The following LCP1 variants were observed in gnomAD, a reference collection of about 807,000 sequenced individuals.
The protein encoded by LCP1 is plastin-2.
In LCP1, 23 loss-of-function variants were observed where a neutral mutation model predicts 72.0. That is an observed-to-expected ratio of 0.32 (90% CI 0.23 to 0.45). The LOEUF is 0.45. LCP1 is among the 20% of genes least tolerant of loss of function. The probability of loss-of-function intolerance (pLI) is 1.00; values close to 1 mark genes in which losing one functional copy is unlikely to be tolerated. For missense variants in LCP1, 571 were observed against 748.3 expected, an observed-to-expected ratio of 0.76 and a Z score of 2.76; for synonymous variants, 245 against 275.4, an observed-to-expected ratio of 0.89 and a Z score of 1.09.
chr13:46,151,203 G>T (rs945994697), intron 7 of LCP1, 125 bp from the exon 8 acceptor site: 2 of 863,200 alleles, frequency 2.3e-6, no homozygotes, highest in Non-Finnish European at 3.4e-6. Flanking sequence ...TGGGGTAAAG[G>T]TTCTTGTAGC....
intron 1 of LCP1, among the ~76,000 whole-genome samples, chr13:46,164,581 T>C (rs1593961170): frequency 6.6e-6 from 1 of 152,118 alleles, no homozygotes; most frequent in Admixed American, 6.5e-5. Flanking sequence ...TAACAGCAAA[T>C]GCAAAAGAGA....
At chr13:46,162,849 G>A (rs1277027128) in intron 1 of LCP1, among the ~76,000 whole-genome samples, 1 of 151,670 alleles carries the variant, frequency 6.6e-6, no homozygotes, top group Non-Finnish European at 1.5e-5. Flanking sequence ...CCGTCTGGGA[G>A]GTGAGGAGCG....
chr13:46,179,341 C>G (rs1218589789), intron 1 of LCP1, among the ~76,000 whole-genome samples: 1 of 152,084 alleles, frequency 6.6e-6, no homozygotes, highest in Non-Finnish European at 1.5e-5. Flanking sequence ...TAAGTACAAT[C>G]AAAGTCTTTC....
At chr13:46,163,643 AAAAAAAAAAC>A (rs1566444198) in intron 1 of LCP1, among the ~76,000 whole-genome samples, 6 of 151,070 alleles carry the variant, frequency 4.0e-5, no homozygotes, top group African/African-American at 1.5e-4. Flanking sequence ...TAAAAAAAAA[AAAAAAAAAAC>A]AATGAGTTAT....
intron 9 of LCP1, among the ~76,000 whole-genome samples, chr13:46,148,028 A>C (rs1264628271): frequency 6.6e-6 from 1 of 152,230 alleles, no homozygotes; most frequent in Admixed American, 6.5e-5. Flanking sequence ...GATCAGTATT[A>C]AAGTGGCGGC....
intron 7 of LCP1, among the ~76,000 whole-genome samples, chr13:46,152,427 G>A (rs2045774450): frequency 6.6e-6 from 1 of 152,162 alleles, no homozygotes; most frequent in Non-Finnish European, 1.5e-5. Context: ...GTATATGAAT[G>A]TGAGTTGCTT....
At chr13:46,128,161 A>C (rs1012890363) in intron 15 of LCP1, among the ~76,000 whole-genome samples, 3 of 152,062 alleles carry the variant, frequency 2.0e-5, no homozygotes, top group Non-Finnish European at 4.4e-5. Flanking sequence ...TGATACTCAC[A>C]CCAGGAGTAT....
At chr13:46,161,718 A>G (rs2045839544) in intron 1 of LCP1, among the ~76,000 whole-genome samples, 1 of 152,256 alleles carries the variant, frequency 6.6e-6, no homozygotes. Context: ...GATAAGAAAG[A>G]AAGCGTAACT....
rs202077381 is a variant in LCP1, at chr13:46,144,402, T to C, written c.1253+40A>G. 899 of 1,430,990 alleles carry C rather than the reference T, an allele frequency of 6.3e-4. 2 individuals carry two copies. Among genetic ancestry groups the C allele is most frequent in the Non-Finnish European group, 7.9e-4 (798 of 1,014,680 alleles). 88.6% of individuals were successfully genotyped at this position (1,430,990 alleles called of 1,614,324 possible). A position where few individuals can be genotyped will look rare whatever the true frequency, so the allele number is the denominator to read the frequency against. ...TTGGAATCCTATGGCTCTTTTGAGG[T>C]CTCTATCTTACATTAGAATGAGTTC... is the stretch of plus-strand genomic sequence containing the variant. On this transcript the variant is annotated intron_variant, in intron 11 of 15. Transcript: ENST00000323076.
intron 8 of LCP1, among the ~76,000 whole-genome samples, chr13:46,149,566 C>T (rs945689357): frequency 1.3e-5 from 2 of 152,192 alleles, no homozygotes; most frequent in Non-Finnish European, 2.9e-5. Flanking sequence ...TGCCAATTTA[C>T]ACGATTTAAA....
chr13:46,132,653 C>T (rs9534335), intron 14 of LCP1, among the ~76,000 whole-genome samples: 130,646 of 152,004 alleles, frequency 0.86, 56,618 homozygotes, highest in South Asian at 0.97. Context: ...ATCTGCTTGC[C>T]GCCTTTCCAA....
At chr13:46,156,596 C>T in intron 4 of LCP1, 26 bp from the exon 5 acceptor site, 1 of 1,613,826 alleles carries the variant, frequency 6.2e-7, no homozygotes, top group Non-Finnish European at 8.5e-7. Flanking sequence ...TAAAGTGACT[C>T]ATTTGCAAAG....
In LCP1 at chr13:46,150,977, C is replaced by A. The variant is rs772011122; in HGVS notation, c.841G>T (p.Ala281Ser). 1.2e-6 allele frequency: 2 copies of A among 1,613,970 alleles called. No individual in the cohort carries two copies. The highest frequency in any genetic ancestry group is 1.7e-6 in the Non-Finnish European group (2 of 1,179,868). ...AAGTTGCCAATTTTGTTGCAGCCTG[C>A]ATTTTCCAGGTGGTAATTAGCCCAC... ...LRWANYHLEN[A>S]GCNKIGNFST... The change falls in exon 8 of 16, where the codon GCA becomes TCA. Residue 281 changes from alanine to serine, a missense_variant. Transcript: ENST00000323076.
At chr13:46,132,842 CT>C (rs1305369433) in intron 14 of LCP1, among the ~76,000 whole-genome samples, 1 of 152,134 alleles carries the variant, frequency 6.6e-6, no homozygotes, top group African/African-American at 2.4e-5. Context: ...TCTGCTACTG[CT>C]TGTGGAAAGA....
intron 1 of LCP1, among the ~76,000 whole-genome samples, chr13:46,166,186 T>A (rs1297335156): frequency 2.0e-5 from 3 of 152,170 alleles, no homozygotes; most frequent in Admixed American, 6.5e-5. Flanking sequence ...TGCTGCAGAA[T>A]TTACAGAAGA....
intron 13 of LCP1, 137 bp downstream of exon 13, chr13:46,142,154 TA>T: frequency 1.2e-6 from 1 of 810,870 alleles, no homozygotes; most frequent in Non-Finnish European, 1.8e-6. Flanking sequence ...AGCAGAAAGG[TA>T]AAAAGTGTTT....
chr13:46,173,754 G>A (rs770842339), intron 1 of LCP1, among the ~76,000 whole-genome samples: 8 of 152,190 alleles, frequency 5.3e-5, no homozygotes, highest in Non-Finnish European at 1.2e-4. Context: ...CCAACCCAAA[G>A]CCAACAGCAT....
At position 46,156,532 on chromosome 13, in the gene LCP1, C is replaced by T. The variant is rs148636830; in HGVS notation, c.397G>A (p.Ala133Thr). The T allele has an allele frequency of 6.2e-6, 10 of 1,613,996 alleles. No homozygotes were observed. The African/African-American group carries it at 1.2e-4, about 19-fold the overall frequency. The part of the protein sequence containing the change: ...KYAFVNWINK[A>T]LENDPDCRHV... ...CGACAATCAGGATCATTTTCCAGGGCTTTGTTTATCCAGTTGACAAAGGCA... is the reference window on the plus strand; with the variant it reads ...CGACAATCAGGATCATTTTCCAGGGTTTTGTTTATCCAGTTGACAAAGGCA... Residue 133 changes from alanine to threonine, a missense_variant, in exon 5 of 16, where the codon GCC (alanine) becomes ACC (threonine). Ala to Thr is a moderately conservative substitution (Grantham distance 58). Transcript: ENST00000323076.
chr13:46,146,801 T>C (rs910490804), intron 10 of LCP1, 107 bp downstream of exon 10: 1 of 1,115,014 alleles, frequency 9.0e-7, no homozygotes, highest in Non-Finnish European at 1.4e-6. Context: ...TAATGGCCTG[T>C]TTGCACATGT....
Sources: gnomAD v4.1 joint callset for allele counts (sites outside exome capture counted in the v4.1 genomes callset) on GRCh38, gnomAD v4.1.1 for gene constraint, MANE v1.5 for transcripts, NCBI Gene and HGNC (gene_info 2026-07-23, HGNC 2026-07-21) for gene names.